The following COL19A1 variants were observed in gnomAD, a reference collection of about 807,000 sequenced individuals.
COL19A1 encodes the protein collagen type XIX alpha 1 chain.
In COL19A1, 159 loss-of-function variants were observed where a neutral mutation model predicts 190.2. The observed-to-expected ratio is 0.84, with a 90% CI of 0.73 to 0.95. The LOEUF is 0.95. Ranked by LOEUF, COL19A1 falls within the 40% of genes least tolerant of loss-of-function variation. The pLI, the probability that COL19A1 is intolerant of heterozygous loss-of-function variation, is 0.00. For missense variants in COL19A1, 1,418 were observed against 1,431.9 expected, an observed-to-expected ratio of 0.99 and a Z score of 0.16; for synonymous variants, 509 against 458.9, an observed-to-expected ratio of 1.11 and a Z score of -1.39.
Position 70,060,554 on chromosome 6 carries a change from T to C in COL19A1, c.1171-7869T>C, listed in dbSNP as rs537346287. Reference sequence around the variant, plus strand: ...ACCTCCTGTCAGATCAGTGGCTGCATTAGATTCTCATAAGAGCATGAACCC... The same window carrying C: ...ACCTCCTGTCAGATCAGTGGCTGCACTAGATTCTCATAAGAGCATGAACCC... On this transcript the variant is annotated intron_variant, in intron 14 of 50. Transcript: ENST00000620364. Among the ~76,000 whole-genome samples, 28 of 152,210 alleles carry C rather than the reference T, an allele frequency of 1.8e-4. No homozygotes were observed. In the South Asian group the frequency reaches 5.6e-3, roughly 30 times the overall value.
chr6:70,088,840 CTT>C (rs1782740925), intron 15 of COL19A1, among the ~76,000 whole-genome samples: 1 of 152,126 alleles, frequency 6.6e-6, no homozygotes, highest in African/African-American at 2.4e-5. Context: ...ACAAGACTGT[CTT>C]TATTTTTCCC....
rs1006227517 is a variant in COL19A1, at chr6:69,898,680, A to G, written c.92-268A>G. Among the ~76,000 whole-genome samples the G allele has an allele frequency of 4.6e-5, 7 of 152,188 alleles. No individual in the cohort carries two copies. The East Asian group carries it at 1.3e-3, about 29-fold the overall frequency. On this transcript the variant is annotated intron_variant, in intron 2 of 50. Coordinates refer to ENST00000620364, the MANE Select transcript of COL19A1 (RefSeq NM_001858.6). ...GCTTATTTCCAAATGTCAAGGATAC[A>G]TAAAGTGTTCAAATAATAGTTATAA...
intron 27 of COL19A1, among the ~76,000 whole-genome samples, chr6:70,149,308 G>C (rs1471525926): frequency 6.6e-6 from 1 of 152,128 alleles, no homozygotes; most frequent in Non-Finnish European, 1.5e-5. Flanking sequence ...ACTGAACACT[G>C]TTTCTGGTGA....
At chr6:70,081,561 C>A (rs557994860) in intron 15 of COL19A1, among the ~76,000 whole-genome samples, 5 of 152,096 alleles carry the variant, frequency 3.3e-5, no homozygotes, top group Admixed American at 6.6e-5. Context: ...CAACACACAG[C>A]TCCCTTCATT....
At chr6:70,155,715 G>C (rs1787388751) in intron 31 of COL19A1, among the ~76,000 whole-genome samples, 1 of 152,086 alleles carries the variant, frequency 6.6e-6, no homozygotes, top group African/African-American at 2.4e-5. Flanking sequence ...TTTTTAAAAT[G>C]GTTTATGCTA....
chr6:69,893,331 T>TA (rs1279822534), intron 2 of COL19A1, among the ~76,000 whole-genome samples: 1 of 152,186 alleles, frequency 6.6e-6, no homozygotes, highest in East Asian at 1.9e-4. Flanking sequence ...TGAAAAGGAT[T>TA]AAAATAGGAC....
intron 2 of COL19A1, among the ~76,000 whole-genome samples, chr6:69,883,669 C>G (rs1486032287): frequency 6.6e-6 from 1 of 152,138 alleles, no homozygotes; most frequent in African/African-American, 2.4e-5. Flanking sequence ...TAACAGAACT[C>G]GTTTACATTT....
At chr6:69,934,663 T>C (rs2150017981) in intron 7 of COL19A1, among the ~76,000 whole-genome samples, 1 of 152,000 alleles carries the variant, frequency 6.6e-6, no homozygotes, top group East Asian at 1.9e-4. Context: ...TATTTGGGAG[T>C]TAGTTTTAAA....
intron 48 of COL19A1, among the ~76,000 whole-genome samples, chr6:70,197,448 G>A (rs1767279542): frequency 6.6e-6 from 1 of 151,696 alleles, no homozygotes; most frequent in African/African-American, 2.4e-5. Flanking sequence ...AAGAAAAATT[G>A]TACTGAAACA....
intron 2 of COL19A1, among the ~76,000 whole-genome samples, chr6:69,896,378 A>C (rs1582316365): frequency 6.6e-6 from 1 of 151,420 alleles, no homozygotes; most frequent in East Asian, 1.9e-4. Flanking sequence ...TCTACTAAAA[A>C]TACAAAAAAT....
At chr6:70,085,113 T>G (rs1197281210) in intron 15 of COL19A1, among the ~76,000 whole-genome samples, 1 of 152,214 alleles carries the variant, frequency 6.6e-6, no homozygotes, top group Non-Finnish European at 1.5e-5. Context: ...ATAGTTATAA[T>G]ATTAATTTCT....
At chr6:70,163,882 G>T (rs1787972756) in intron 36 of COL19A1, among the ~76,000 whole-genome samples, 1 of 152,188 alleles carries the variant, frequency 6.6e-6, no homozygotes, top group African/African-American at 2.4e-5. Context: ...GACAGAGTCT[G>T]CCTTCTTGTT....
chr6:70,089,368 C>T (rs1782770557), intron 15 of COL19A1, among the ~76,000 whole-genome samples: 1 of 152,066 alleles, frequency 6.6e-6, no homozygotes, highest in African/African-American at 2.4e-5. Context: ...TTTTTTAGGG[C>T]ATCTTTGTAG....
At chr6:70,033,490 T>G (rs1029752165) in intron 12 of COL19A1, among the ~76,000 whole-genome samples, 2 of 152,160 alleles carry the variant, frequency 1.3e-5, no homozygotes, top group African/African-American at 2.4e-5. Flanking sequence ...TCTATCTAAC[T>G]TTCTACGTAC....
chr6:69,950,559 C>T (rs190485107), intron 9 of COL19A1, among the ~76,000 whole-genome samples: 54 of 151,694 alleles, frequency 3.6e-4, no homozygotes, highest in South Asian at 1.7e-3. Flanking sequence ...AGGTAGCTGG[C>T]GACTTCTGGT....
At chr6:69,968,906 C>T (rs887591221) in intron 11 of COL19A1, among the ~76,000 whole-genome samples, 1 of 152,032 alleles carries the variant, frequency 6.6e-6, no homozygotes, top group Non-Finnish European at 1.5e-5. Flanking sequence ...CCTGAAAGAG[C>T]CTAGACTTGA....
At chr6:69,923,147 C>T (rs1268247341) in intron 4 of COL19A1, among the ~76,000 whole-genome samples, 1 of 152,124 alleles carries the variant, frequency 6.6e-6, no homozygotes, top group Non-Finnish European at 1.5e-5. Flanking sequence ...AATAAGAACA[C>T]AGGCAAAATT....
At chr6:70,190,501 A>AT in intron 48 of COL19A1, 120 bp downstream of exon 48, 2 of 664,568 alleles carry the variant, frequency 3.0e-6, no homozygotes, top group South Asian at 3.8e-5. Context: ...CTTAAGGGGC[A>AT]GCCCATTTTA....
chr6:70,129,748 T>C (rs571520359), intron 17 of COL19A1, among the ~76,000 whole-genome samples: 1 of 152,336 alleles, frequency 6.6e-6, no homozygotes, highest in African/African-American at 2.4e-5. Context: ...TTTTTCAGTG[T>C]AGTTACAGGC....
Sources: allele counts gnomAD v4.1 joint callset (sites outside exome capture counted in the v4.1 genomes callset), GRCh38; gene constraint gnomAD v4.1.1; transcripts MANE v1.5; gene names NCBI Gene and HGNC (gene_info 2026-07-23, HGNC 2026-07-21).